The following RGMB variants were observed in gnomAD, a reference collection of about 807,000 sequenced individuals.
RGMB encodes repulsive guidance molecule B.
In RGMB, 16 loss-of-function variants were observed where a neutral mutation model predicts 26.9. The observed-to-expected ratio is 0.60, with a 90% CI of 0.40 to 0.90. The LOEUF is 0.90. RGMB is among the 40% of genes least tolerant of loss of function. RGMB has a pLI of 0.00. For missense variants in RGMB, 512 were observed against 573.3 expected (o/e 0.89, Z 1.09); for synonymous variants, 225 against 229.3 (o/e 0.98, Z 0.17).
chr5:98,786,794 A>G (rs1746777649), intron 2 of RGMB, among the ~76,000 whole-genome samples: 1 of 152,232 alleles, frequency 6.6e-6, no homozygotes, highest in South Asian at 2.1e-4. Flanking sequence ...TTAACTGGAC[A>G]GCCTTGCAGT....
At chr5:98,786,328 T>C (rs1746766520) in intron 2 of RGMB, among the ~76,000 whole-genome samples, 1 of 152,208 alleles carries the variant, frequency 6.6e-6, no homozygotes, top group Non-Finnish European at 1.5e-5. Flanking sequence ...GGGGCTCTGC[T>C]GCTTTAAAAC....
intron 2 of RGMB, among the ~76,000 whole-genome samples, chr5:98,784,138 A>C (rs2617512): frequency 0.23 from 34,827 of 152,176 alleles, 5,378 homozygotes; most frequent in African/African-American, 0.44. Context: ...TTGACCAAGC[A>C]AGATGACTGT....
At chr5:98,774,235 GC>G in intron 1 of RGMB, 29 bp downstream of exon 1, 1 of 1,385,892 alleles carries the variant, frequency 7.2e-7, no homozygotes. Flanking sequence ...AGGGGAGCCA[GC>G]CCCGGGGCCT....
intron 2 of RGMB, among the ~76,000 whole-genome samples, chr5:98,783,107 G>A (rs962275076): frequency 6.6e-6 from 1 of 152,152 alleles, no homozygotes; most frequent in Non-Finnish European, 1.5e-5. Flanking sequence ...TGGTCATGGT[G>A]TGCACAGGTA....
intron 2 of RGMB, among the ~76,000 whole-genome samples, chr5:98,791,542 G>A (rs1030963553): frequency 6.6e-6 from 1 of 152,082 alleles, no homozygotes; most frequent in African/African-American, 2.4e-5. Context: ...CTATTGTTTC[G>A]ATTAGTTTCC....
At chr5:98,770,661 G>A (rs976926249), upstream of RGMB, 3 of 1,468,944 alleles carry the variant, frequency 2.0e-6, no homozygotes, top group African/African-American at 2.9e-5. Flanking sequence ...GGAGCGAAAG[G>A]GTTAAGAATG....
At chr5:98,774,327 T>A in intron 1 of RGMB, 121 bp downstream of exon 1, 1 of 1,038,452 alleles carries the variant, frequency 9.6e-7, no homozygotes, top group African/African-American at 1.7e-5. Flanking sequence ...GGGAAAGGCC[T>A]CCCGAGCCCC....
At chr5:98,789,817 C>A (rs1746871666) in intron 2 of RGMB, among the ~76,000 whole-genome samples, 1 of 152,184 alleles carries the variant, frequency 6.6e-6, no homozygotes, top group African/African-American at 2.4e-5. Flanking sequence ...TGAGTTATGA[C>A]AGCATATATA....
rs879099890 is a variant in RGMB, at chr5:98,793,195, C to T, written c.756C>T (p.Asp252=). ...TGGATGGCACCACCAGTGGTGGGGA[C>T]AGCGATGCCAAGAGCCTGCGTATCG... is the stretch of plus-strand genomic sequence containing the variant. The part of the protein sequence containing the change: ...AFVDGTTSGG[D]SDAKSLRIVE... Residue 252 remains aspartate, a synonymous_variant, in exon 3 of 3, where the codon GAC becomes GAT. Coordinates refer to ENST00000513185, the MANE Select transcript of RGMB (RefSeq NM_001366508.1). 4 of 1,613,978 alleles carry T rather than the reference C, an allele frequency of 2.5e-6. No homozygotes were observed. The highest frequency in any genetic ancestry group is 3.4e-6 in the Non-Finnish European group (4 of 1,179,888).
At chr5:98,788,611 G>A (rs1011411810) in intron 2 of RGMB, among the ~76,000 whole-genome samples, 4 of 152,270 alleles carry the variant, frequency 2.6e-5, no homozygotes, top group Middle Eastern at 3.4e-3. Flanking sequence ...GTAACCAGGG[G>A]ACAGTTGCCA....
intron 2 of RGMB, among the ~76,000 whole-genome samples, chr5:98,784,909 C>T (rs1459250566): frequency 1.3e-5 from 2 of 152,110 alleles, no homozygotes; most frequent in Non-Finnish European, 2.9e-5. Context: ...AAAAATAGAC[C>T]ATTTTCCCTC....
At chr5:98,782,006 G>T (rs979254275) in intron 2 of RGMB, among the ~76,000 whole-genome samples, 2 of 152,210 alleles carry the variant, frequency 1.3e-5, no homozygotes, top group African/African-American at 4.8e-5. Flanking sequence ...AAAAAAGTTG[G>T]AGAAAGTGGT....
chr5:98,784,434 G>A (rs2662261), intron 2 of RGMB, among the ~76,000 whole-genome samples: 34,691 of 152,100 alleles, frequency 0.23, 5,321 homozygotes, highest in African/African-American at 0.43. Flanking sequence ...TTCAAACTCT[G>A]TAACCTACAG....
At position 98,779,923 on chromosome 5, in the gene RGMB, C is replaced by A; in HGVS notation, c.480C>A (p.Tyr160Ter). 1 of 1,613,764 alleles carries A rather than the reference C, an allele frequency of 6.2e-7. No individual in the cohort carries two copies. The highest frequency in any genetic ancestry group is 8.5e-7 in the Non-Finnish European group (1 of 1,179,750). The change falls in exon 2 of 3, where the codon TAC (tyrosine) becomes TAA (stop). Residue 160 changes from tyrosine to a stop codon, truncating the protein, a stop_gained. Coordinates refer to ENST00000513185, the MANE Select transcript of RGMB (RefSeq NM_001366508.1). LOFTEE classifies it high-confidence loss of function. ...HRRGDQNPPS[Y>*]LFCGLFGDPH... is the part of the protein sequence containing the mutation. ...GAGGGGACCAGAACCCTCCCAGTTA[C>A]CTTTTTTGTGGCTTGTTTGGAGATC...
At chr5:98,791,850 TTAAC>T (rs1223793988) in intron 2 of RGMB, among the ~76,000 whole-genome samples, 1 of 152,230 alleles carries the variant, frequency 6.6e-6, no homozygotes, top group Non-Finnish European at 1.5e-5. Context: ...TGCAAGGTTT[TTAAC>T]TAACTGTTCT....
At chr5:98,770,790 A>G, upstream of RGMB, 1 of 592,112 alleles carries the variant, frequency 1.7e-6, no homozygotes, top group East Asian at 3.5e-5. Flanking sequence ...ATAAACTTTC[A>G]CTCTTGCTCT....
At chr5:98,793,020 C>A in intron 2 of RGMB, 65 bp from the exon 3 acceptor site, 1 of 1,342,882 alleles carries the variant, frequency 7.4e-7, no homozygotes, top group Non-Finnish European at 1.0e-6. Flanking sequence ...GCTCTTGCTA[C>A]AGAGGGTTAC....
At chr5:98,773,382 AG>A, upstream of RGMB, 1 of 152,884 alleles carries the variant, frequency 6.5e-6, no homozygotes. Flanking sequence ...AAATCGCGGA[AG>A]GGGGTAGAGG....
chr5:98,781,664 C>T (rs1049572548), intron 2 of RGMB, among the ~76,000 whole-genome samples: 2 of 152,122 alleles, frequency 1.3e-5, no homozygotes, highest in African/African-American at 4.8e-5. Context: ...GACCTTCGAA[C>T]AAAACTATAG....
Sources: allele counts gnomAD v4.1 joint callset (sites outside exome capture counted in the v4.1 genomes callset), GRCh38; gene constraint gnomAD v4.1.1; transcripts MANE v1.5; gene names NCBI Gene and HGNC (gene_info 2026-07-23, HGNC 2026-07-21).